The following ZSWIM3 variants were observed in gnomAD, a reference collection of about 807,000 sequenced individuals.
ZSWIM3 encodes zinc finger SWIM-type containing 3, also known as zinc finger SWIM domain-containing protein 3.
A neutral mutation model predicts 47.5 loss-of-function variants in ZSWIM3; 27 were observed. The ratio of observed to expected loss-of-function variants is 0.57; its 90% CI spans 0.42 to 0.78. The LOEUF is 0.78. Among genes scored for constraint, ZSWIM3 ranks in the 30% least tolerant of loss-of-function variants. ZSWIM3 has a pLI of 0.00. For synonymous variants in ZSWIM3, 333 were observed against 333.9 expected, an observed-to-expected ratio of 1.00 and a Z score of 0.03; for missense variants, 689 against 861.3, an observed-to-expected ratio of 0.80 and a Z score of 2.50.
In ZSWIM3 at chr20:45,877,356, G is replaced by A. The variant is rs780660086; in HGVS notation, c.798G>A (p.Leu266=). The change falls in exon 2 of 2, where the codon CTG becomes CTA. Residue 266 remains leucine (L), a synonymous_variant. Transcript: ENST00000255152. ...AETVTSVAKM[L]SIFTEFNSDW... ...CAGTCACCTCTGTGGCCAAGATGCTGAGCATCTTCACAGAGTTCAACTCCG... is the reference window on the plus strand; with the variant it reads ...CAGTCACCTCTGTGGCCAAGATGCTAAGCATCTTCACAGAGTTCAACTCCG... 62 of 1,614,050 alleles carry A rather than the reference G, an allele frequency of 3.8e-5. No homozygotes were observed. The highest frequency in any genetic ancestry group is 5.3e-5 in the Non-Finnish European group (62 of 1,180,028).
At chr20:45,868,361 C>A (rs1985892381) in intron 1 of ZSWIM3, among the ~76,000 whole-genome samples, 1 of 151,774 alleles carries the variant, frequency 6.6e-6, no homozygotes, top group Non-Finnish European at 1.5e-5. Context: ...AATATTTTGG[C>A]AAAACCATCT....
At chr20:45,866,841 CA>C (rs1601113264) in intron 1 of ZSWIM3, among the ~76,000 whole-genome samples, 1 of 138,064 alleles carries the variant, frequency 7.2e-6, no homozygotes, top group East Asian at 2.2e-4. Flanking sequence ...ATGCTCGTAG[CA>C]CCTAAAACAG....
At position 45,877,057 on chromosome 20, in the gene ZSWIM3, A is replaced by G; in HGVS notation, c.499A>G (p.Thr167Ala). The G allele has an allele frequency of 6.2e-7, 1 of 1,614,072 alleles. No homozygotes were observed. The highest frequency in any genetic ancestry group is 8.5e-7 in the Non-Finnish European group (1 of 1,179,996). Residue 167 changes from threonine to alanine, a missense_variant, in exon 2 of 2, where the codon ACT becomes GCT. Coordinates refer to ENST00000255152, the MANE Select transcript of ZSWIM3 (RefSeq NM_080752.4). ...VSSKPEQEGI[T>A]PSDLAKIAKV... is the part of the protein sequence containing the mutation. ...CTCAAAGCCAGAGCAGGAAGGCATC[A>G]CTCCTTCTGACCTGGCCAAGATAGC...
In ZSWIM3 at chr20:45,873,296, G is replaced by A. The variant is rs539669687; in HGVS notation, c.156-3418G>A. On this transcript the variant is annotated intron_variant, in intron 1 of 1. Transcript: ENST00000255152. ...CATGCCTGTAATCCCAGCTACTCGG[G>A]AGGCTGACACAGGAGAATCGCTTGA... Among the ~76,000 whole-genome samples the A allele has an allele frequency of 2.6e-5, 4 of 152,278 alleles. No homozygotes were observed. In the East Asian group the frequency reaches 5.8e-4, roughly 22 times the overall value.
Position 45,857,899 on chromosome 20 carries a change from G to C in ZSWIM3, c.74G>C (p.Arg25Thr), listed in dbSNP as rs1985574527. The change falls in exon 1 of 2, where the codon AGG (arginine) becomes ACG (threonine). Residue 25 changes from arginine (R) to threonine (T), a missense_variant. Coordinates refer to ENST00000255152, the MANE Select transcript of ZSWIM3 (RefSeq NM_080752.4). ...TTCAGCGCCTACAAAAGGGAGAACA[G>C]GTGCTCCTTCATTCTCAGGGACTGC... ...ECFSAYKREN[R>T]CSFILRDCVS... 1 of 1,613,782 alleles carries C rather than the reference G, an allele frequency of 6.2e-7. No individual in the cohort carries two copies. Among genetic ancestry groups the C allele is most frequent in the African/African-American group, 1.3e-5 (1 of 74,826 alleles).
intron 1 of ZSWIM3, among the ~76,000 whole-genome samples, chr20:45,870,077 G>A (rs1048139271): frequency 4.1e-5 from 6 of 147,908 alleles, no homozygotes; most frequent in Non-Finnish European, 7.4e-5. Context: ...AAGGCCAAGC[G>A]TGGTGGCTGT....
intron 1 of ZSWIM3, among the ~76,000 whole-genome samples, chr20:45,876,020 GTTTGTTTTTTGT>G (rs1400703743): frequency 8.0e-6 from 1 of 125,182 alleles, no homozygotes; most frequent in African/African-American, 2.9e-5. Context: ...TTTCCTGTTT[GTTTGTTTTTTGT>G]TTTTTTGTTT....
chr20:45,869,468 G>A (rs557235976), intron 1 of ZSWIM3, among the ~76,000 whole-genome samples: 12 of 151,800 alleles, frequency 7.9e-5, no homozygotes, highest in Admixed American at 6.6e-4. Flanking sequence ...GCAGTGAGGC[G>A]AGATCATGCC....
At chr20:45,862,140 G>T (rs973243420) in intron 1 of ZSWIM3, among the ~76,000 whole-genome samples, 15 of 149,084 alleles carry the variant, frequency 1.0e-4, no homozygotes, top group South Asian at 2.2e-4. Context: ...TTAGCTTTTG[G>T]TTTTTTTTGG....
chr20:45,870,982 A>C (rs2145790473), intron 1 of ZSWIM3, among the ~76,000 whole-genome samples: 1 of 152,322 alleles, frequency 6.6e-6, no homozygotes, highest in African/African-American at 2.4e-5. Flanking sequence ...GGTGTGAGCC[A>C]CGGCGCCCAG....
At position 45,876,879 on chromosome 20, in the gene ZSWIM3, G is replaced by A; in HGVS notation, c.321G>A (p.Val107=). ...AGCACATACATGGTGACTCTAAAGT[G>A]GCTAGTCCTGGAGGAGACACCACTG... ...NTQHIHGDSK[V]ASPGGDTTGK... Residue 107 remains valine (V), a synonymous_variant, in exon 2 of 2, where the codon GTG becomes GTA. Coordinates refer to ENST00000255152, the MANE Select transcript of ZSWIM3 (RefSeq NM_080752.4). 6.2e-7 allele frequency: 1 copy of A among 1,614,122 alleles called. No homozygotes were observed. Among genetic ancestry groups the A allele is most frequent in the Non-Finnish European group, 8.5e-7 (1 of 1,180,022 alleles).
intron 1 of ZSWIM3, among the ~76,000 whole-genome samples, chr20:45,863,172 T>G (rs1184699640): frequency 9.2e-6 from 1 of 108,916 alleles, no homozygotes; most frequent in African/African-American, 3.0e-5. Flanking sequence ...TTTCCTTGTT[T>G]TTTTTTTTGT....
intron 1 of ZSWIM3, among the ~76,000 whole-genome samples, chr20:45,870,447 C>T (rs1985948683): frequency 6.6e-6 from 1 of 152,044 alleles, no homozygotes; most frequent in African/African-American, 2.4e-5. Context: ...CCTTAATTGA[C>T]TTAGATTAGC....
At chr20:45,868,568 A>C (rs928961041) in intron 1 of ZSWIM3, among the ~76,000 whole-genome samples, 8 of 151,942 alleles carry the variant, frequency 5.3e-5, no homozygotes, top group African/African-American at 1.9e-4. Context: ...TTTTTAGTAG[A>C]GACAGGGTTT....
chr20:45,865,945 A>G (rs1383976956), intron 1 of ZSWIM3, among the ~76,000 whole-genome samples: 1 of 148,708 alleles, frequency 6.7e-6, no homozygotes, highest in African/African-American at 2.5e-5. Flanking sequence ...GTGAGCCGAG[A>G]TCACGCCATT....
Position 45,876,874 on chromosome 20 carries a change from A to G in ZSWIM3, c.316A>G (p.Lys106Glu), listed in dbSNP as rs760596460. Residue 106 changes from lysine to glutamate, a missense_variant, in exon 2 of 2, where the codon AAA becomes GAA. Transcript: ENST00000255152. ...LNTQHIHGDS[K>E]VASPGGDTTG... ...CACACAGCACATACATGGTGACTCT[A>G]AAGTGGCTAGTCCTGGAGGAGACAC... The G allele has an allele frequency of 6.2e-7, 1 of 1,614,188 alleles. No individual in the cohort carries two copies. The highest frequency in any genetic ancestry group is 8.5e-7 in the Non-Finnish European group (1 of 1,180,042).
At position 45,877,867 on chromosome 20, in the gene ZSWIM3, C is replaced by A. The variant is rs1462895785; in HGVS notation, c.1309C>A (p.Pro437Thr). ...NTKGLKNLPT[P>T]PPKLKRARPA... The stretch of plus-strand genomic sequence containing the variant: ...CAAAGGCTTGAAGAACTTGCCCACA[C>A]CTCCTCCCAAATTAAAGAGAGCTCG... Residue 437 changes from proline to threonine, a missense_variant, in exon 2 of 2, where the codon CCT becomes ACT. Transcript: ENST00000255152. 1 of 1,614,160 alleles carries A rather than the reference C, an allele frequency of 6.2e-7. No homozygotes were observed.
At chr20:45,868,451 C>A (rs1413297534) in intron 1 of ZSWIM3, among the ~76,000 whole-genome samples, 1 of 151,366 alleles carries the variant, frequency 6.6e-6, no homozygotes, top group East Asian at 1.9e-4. Flanking sequence ...GTCTTGCTCT[C>A]CTGTCCAGGC....
At position 45,869,720 on chromosome 20, in the gene ZSWIM3, T is replaced by G. The variant is rs151151495; in HGVS notation, c.156-6994T>G. On this transcript the variant is annotated intron_variant, in intron 1 of 1. Coordinates refer to ENST00000255152, the MANE Select transcript of ZSWIM3 (RefSeq NM_080752.4). ...TTTGTCCTTAGGAAGGCTCCCCATG[T>G]GGCACAAATGCAGGAGTCACATCCA... Among the ~76,000 whole-genome samples the G allele has an allele frequency of 3.7e-4, 56 of 152,132 alleles. No homozygotes were observed. In the East Asian group the frequency reaches 8.5e-3, roughly 23 times the overall value.
Sources: allele counts gnomAD v4.1 joint callset (sites outside exome capture counted in the v4.1 genomes callset), GRCh38; gene constraint gnomAD v4.1.1; transcripts MANE v1.5; gene names NCBI Gene and HGNC (gene_info 2026-07-23, HGNC 2026-07-21).